THADA: variants seen among roughly 807,000 people sequenced by gnomAD.
THADA encodes the protein tRNA (32-2'-O)-methyltransferase regulator THADA.
Under a neutral mutation model 219.8 loss-of-function variants are expected in THADA, and 213 were observed. That is an observed-to-expected ratio of 0.97 (90% CI 0.87 to 1.09). THADA has a LOEUF of 1.09. Ranked by LOEUF, THADA falls within the 50% of genes least tolerant of loss-of-function variation. The pLI is 0.00. For synonymous variants in THADA, 1,018 were observed against 828.9 expected (o/e 1.23, Z -3.92); for missense variants, 2,956 against 2,311.3 (o/e 1.28, Z -5.72).
At position 43,367,343 on chromosome 2, in the gene THADA, T is replaced by A. The variant is rs575855841; in HGVS notation, c.4228-23106A>T. ...AAATTTTATGTTATGTGTCTTTTTT[T>A]AAAAAAATTTAATTAAAAAATTCCC... On this transcript the variant is annotated intron_variant, in intron 29 of 37. Transcript: ENST00000405975. Among the ~76,000 whole-genome samples, 76 of 151,936 alleles carry A rather than the reference T, an allele frequency of 5.0e-4. No individual in the cohort carries two copies. In the East Asian group the frequency reaches 0.01, roughly 21 times the overall value.
intron 31 of THADA, among the ~76,000 whole-genome samples, chr2:43,315,337 G>A (rs1677952868): frequency 6.6e-6 from 1 of 152,212 alleles, no homozygotes; most frequent in Non-Finnish European, 1.5e-5. Context: ...TTACCATAGC[G>A]CTGGCTTTCA....
intron 36 of THADA, among the ~76,000 whole-genome samples, chr2:43,242,194 C>T (rs1668691361): frequency 6.6e-6 from 1 of 152,256 alleles, no homozygotes; most frequent in Admixed American, 6.5e-5. Context: ...TTTCCTTTCC[C>T]AGGACTGTCT....
chr2:43,526,521 A>G (rs1455839645), intron 22 of THADA, among the ~76,000 whole-genome samples: 1 of 152,124 alleles, frequency 6.6e-6, no homozygotes, highest in Admixed American at 6.5e-5. Flanking sequence ...ATGAAGCCCT[A>G]CCAGCCTATC....
intron 26 of THADA, among the ~76,000 whole-genome samples, chr2:43,433,507 C>T (rs1273375797): frequency 4.0e-5 from 6 of 151,366 alleles, no homozygotes; most frequent in African/African-American, 7.3e-5. Flanking sequence ...CCAGCCTGGG[C>T]GACAGAGTGA....
At chr2:43,519,874 A>C (rs925199833) in intron 22 of THADA, among the ~76,000 whole-genome samples, 12 of 152,336 alleles carry the variant, frequency 7.9e-5, no homozygotes, top group Non-Finnish European at 1.6e-4. Context: ...TGCCTATAAA[A>C]AGCAGAATAG....
Position 43,571,735 on chromosome 2 carries a change from C to G in THADA, c.2036G>C (p.Arg679Pro), listed in dbSNP as rs778624548. ...TTTAAGAAGAGAACAGATCTGTTGC[C>G]GCACTCCTGGAGACTGGCTGTTAAG... ...YNLNSQSPGV[R>P]QQICSLLKKL... Residue 679 changes from arginine (R) to proline (P), a missense_variant, in exon 13 of 38, where the codon CGG (arginine) becomes CCG (proline). Arg to Pro is a moderately radical substitution (Grantham distance 103). Coordinates refer to ENST00000405975, the MANE Select transcript of THADA (RefSeq NM_022065.5). 1.2e-6 allele frequency: 2 copies of G among 1,613,576 alleles called. No individual in the cohort carries two copies. Among genetic ancestry groups the G allele is most frequent in the South Asian group, 1.1e-5 (1 of 91,034 alleles).
At chr2:43,322,318 A>G (rs948555399) in intron 30 of THADA, among the ~76,000 whole-genome samples, 4 of 152,010 alleles carry the variant, frequency 2.6e-5, no homozygotes, top group Admixed American at 2.0e-4. Context: ...AGCATGGCCA[A>G]CATGGTGAAA....
At chr2:43,291,545 G>T in intron 34 of THADA, 151 bp downstream of exon 34, 3 of 308,912 alleles carry the variant, frequency 9.7e-6, no homozygotes, top group East Asian at 6.1e-5. Flanking sequence ...TACTCGAATT[G>T]AAAAACCAGC....
In THADA at chr2:43,271,119, A is replaced by G. The variant is rs144480132; in HGVS notation, c.5296+8646T>C. Among the ~76,000 whole-genome samples, 561 of 152,308 alleles carry G rather than the reference A, an allele frequency of 3.7e-3. 6 individuals are homozygous for G. Among genetic ancestry groups the G allele is most frequent in the African/African-American group, 0.013 (536 of 41,568 alleles). On this transcript the variant is annotated intron_variant, in intron 36 of 37. Coordinates refer to ENST00000405975, the MANE Select transcript of THADA (RefSeq NM_022065.5). ...TCACCTGGGACCTGATAAGCAACTG[A>G]CAAGTATCCACCTGCTGGGCACTTC... is the stretch of plus-strand genomic sequence containing the variant.
chr2:43,539,478 C>T (rs775177807), intron 21 of THADA, among the ~76,000 whole-genome samples: 4 of 152,180 alleles, frequency 2.6e-5, no homozygotes, highest in Non-Finnish European at 4.4e-5. Flanking sequence ...TTCTTGATGA[C>T]TTTGGATTTT....
chr2:43,505,000 G>T (rs1438278512), intron 24 of THADA, among the ~76,000 whole-genome samples: 1 of 152,206 alleles, frequency 6.6e-6, no homozygotes, highest in African/African-American at 2.4e-5. Context: ...TAGTGGTGAA[G>T]TGGAGCTATG....
Position 43,580,091 on chromosome 2 carries a change from C to T in THADA, c.722-1484G>A, listed in dbSNP as rs540522315. Among the ~76,000 whole-genome samples the T allele has an allele frequency of 2.3e-4, 32 of 138,496 alleles. 1 individual carries two copies. The highest frequency in any genetic ancestry group is 4.7e-4 in the South Asian group (2 of 4,294). The allele number at this position is 138,496 out of a possible 152,430, so 90.9% of individuals were successfully genotyped here. ...CCAGGCTGGAGTGCAGTGGCATGAT[C>T]TTGGCTCACTGCAACCTCTGTCTCC... On this transcript the variant is annotated intron_variant, in intron 8 of 37. Transcript: ENST00000405975.
intron 26 of THADA, among the ~76,000 whole-genome samples, chr2:43,476,201 G>C (rs547208252): frequency 6.6e-6 from 1 of 152,124 alleles, no homozygotes; most frequent in African/African-American, 2.4e-5. Context: ...AGTGTGTAGA[G>C]TGTGGAGGTG....
chr2:43,387,664 C>T (rs1672861119), intron 29 of THADA, among the ~76,000 whole-genome samples: 1 of 152,132 alleles, frequency 6.6e-6, no homozygotes, highest in East Asian at 1.9e-4. Context: ...CGCCTCCGCC[C>T]CCTGCCTCCC....
At chr2:43,277,452 C>G (rs567870769) in intron 36 of THADA, among the ~76,000 whole-genome samples, 2 of 152,322 alleles carry the variant, frequency 1.3e-5, no homozygotes, top group Non-Finnish European at 2.9e-5. Context: ...TGTGTCACAT[C>G]TCTCCCTTCC....
intron 26 of THADA, among the ~76,000 whole-genome samples, chr2:43,482,969 A>G (rs1686416755): frequency 6.6e-6 from 1 of 152,202 alleles, no homozygotes; most frequent in African/African-American, 2.4e-5. Flanking sequence ...AAGGGGGCCT[A>G]TTAAGGTCAT....
At chr2:43,400,804 A>G (rs903466545) in intron 28 of THADA, among the ~76,000 whole-genome samples, 1 of 152,140 alleles carries the variant, frequency 6.6e-6, no homozygotes, top group African/African-American at 2.4e-5. Flanking sequence ...TAATAGCATC[A>G]GTATACTCCA....
chr2:43,468,820 C>T (rs1383759501), intron 26 of THADA, among the ~76,000 whole-genome samples: 7 of 152,172 alleles, frequency 4.6e-5, no homozygotes, highest in Non-Finnish European at 8.8e-5. Flanking sequence ...ACCATTACCA[C>T]ATTTATTCCT....
At chr2:43,508,607 G>C (rs1370831942) in intron 23 of THADA, 41 bp downstream of exon 23, 35 of 1,596,686 alleles carry the variant, frequency 2.2e-5, no homozygotes, top group Non-Finnish European at 2.9e-5. Context: ...ATCATCAAAA[G>C]ACAAATATAA....
Sources: allele counts gnomAD v4.1 joint callset (sites outside exome capture counted in the v4.1 genomes callset), GRCh38; gene constraint gnomAD v4.1.1; transcripts MANE v1.5; gene names NCBI Gene and HGNC (gene_info 2026-07-23, HGNC 2026-07-21).